Variants in ADAMTS18 observed in about 807,000 individuals in gnomAD.
ADAMTS18 encodes A disintegrin and metalloproteinase with thrombospondin motifs 18.
A neutral mutation model predicts 165.9 loss-of-function variants in ADAMTS18; 157 were observed. The ratio of observed to expected loss-of-function variants is 0.95; its 90% CI spans 0.83 to 1.08. ADAMTS18 has a LOEUF of 1.08. Among genes scored for constraint, ADAMTS18 ranks in the 50% least tolerant of loss-of-function variants. The pLI, the probability that ADAMTS18 is intolerant of heterozygous loss-of-function variation, is 0.00. For synonymous variants in ADAMTS18, 782 were observed against 578.2 expected (o/e 1.35, Z -5.06); for missense variants, 2,040 against 1,534.0 (o/e 1.33, Z -5.51).
intron 3 of ADAMTS18, among the ~76,000 whole-genome samples, chr16:77,372,099 C>T (rs57161547): frequency 0.038 from 5,783 of 152,194 alleles, 325 homozygotes; most frequent in African/African-American, 0.13. Flanking sequence ...ATTAGAATGA[C>T]TATTATCACA....
At chr16:77,409,922 C>T (rs1450788470) in intron 3 of ADAMTS18, among the ~76,000 whole-genome samples, 15 of 152,100 alleles carry the variant, frequency 9.9e-5, no homozygotes, top group Middle Eastern at 3.4e-3. Context: ...CTAATATTAC[C>T]GTACTAGAAT....
At chr16:77,414,631 A>G (rs2057506552) in intron 3 of ADAMTS18, among the ~76,000 whole-genome samples, 1 of 152,214 alleles carries the variant, frequency 6.6e-6, no homozygotes, top group African/African-American at 2.4e-5. Flanking sequence ...AGTTCCACAC[A>G]TCACAAAAAA....
chr16:77,418,507 G>A (rs1356495091), intron 3 of ADAMTS18, among the ~76,000 whole-genome samples: 1 of 152,118 alleles, frequency 6.6e-6, no homozygotes, highest in Non-Finnish European at 1.5e-5. Flanking sequence ...GCACAGACAT[G>A]CCCTGCACAA....
chr16:77,292,466 A>C (rs2055382317), intron 20 of ADAMTS18, among the ~76,000 whole-genome samples: 1 of 152,090 alleles, frequency 6.6e-6, no homozygotes, highest in Non-Finnish European at 1.5e-5. Context: ...CTTGCCCCAA[A>C]TCCCCTTTTG....
chr16:77,363,835 A>T lies in ADAMTS18; in HGVS notation c.1023T>A (p.Val341=), dbSNP rs201071218. ...GTTCCAGAAGAATTAGGCTCACCAC[A>T]ACCACGTTTATGTCACTTCCAATAG... The part of the protein sequence containing the change: ...DGTIGSDINV[V]VVSLILLEQE... The change falls in exon 6 of 23, where the codon GTT becomes GTA. Residue 341 remains valine, a synonymous_variant. Transcript: ENST00000282849. 5 of 1,614,028 alleles carry T rather than the reference A, an allele frequency of 3.1e-6. No homozygotes were observed. In the East Asian group the frequency reaches 1.1e-4, roughly 36 times the overall value.
chr16:77,347,080 G>C (rs756240068), intron 10 of ADAMTS18, among the ~76,000 whole-genome samples: 2 of 152,116 alleles, frequency 1.3e-5, no homozygotes, highest in Non-Finnish European at 2.9e-5. Flanking sequence ...CTTTTGTTCG[G>C]CATGTTTTTC....
At position 77,319,858 on chromosome 16, in the gene ADAMTS18, C is replaced by A. The variant is rs763605412; in HGVS notation, c.2523G>T (p.Leu841=). Residue 841 remains leucine, a synonymous_variant, in exon 16 of 23, where the codon CTG becomes CTT. Transcript: ENST00000282849. ...LYAPGPTNET[L]VFEILMQGKN... ...CACAGAAGGGGCTTACTTCAAAGAC[C>A]AGCGTCTCATTTGTGGGCCCTGGCG... 8.1e-6 allele frequency: 13 copies of A among 1,614,032 alleles called. No individual in the cohort carries two copies. Among genetic ancestry groups the A allele is most frequent in the Non-Finnish European group, 1.1e-5 (13 of 1,180,028 alleles).
At chr16:77,364,049 T>C (rs911510419) in intron 5 of ADAMTS18, 139 bp downstream of exon 5, 7 of 1,288,628 alleles carry the variant, frequency 5.4e-6, no homozygotes, top group Admixed American at 3.6e-5. Flanking sequence ...AAACCACATA[T>C]GTAGCTATTA....
At chr16:77,396,305 A>G (rs1487673152) in intron 3 of ADAMTS18, among the ~76,000 whole-genome samples, 1 of 152,240 alleles carries the variant, frequency 6.6e-6, no homozygotes, top group African/African-American at 2.4e-5. Context: ...GTTTGCCGTA[A>G]AGGGAAATTT....
rs747096252 is a variant in ADAMTS18 at position 77,367,498 on chromosome 16, T to C, written c.721A>G (p.Thr241Ala). The C allele has an allele frequency of 8.7e-6, 14 of 1,614,220 alleles. No individual in the cohort carries two copies. The Admixed American group carries it at 2.3e-4, about 27-fold the overall frequency. The change falls in exon 4 of 23, where the codon ACA becomes GCA. Residue 241 changes from threonine to alanine, a missense_variant. Coordinates refer to ENST00000282849, the MANE Select transcript of ADAMTS18 (RefSeq NM_199355.4). Reference sequence around the variant, plus strand: ...TGCAACCTTCGATGGTGATACTCTGTCTCTCGACTCTGAGATGCATGGGGA... The same window carrying C: ...TGCAACCTTCGATGGTGATACTCTGCCTCTCGACTCTGAGATGCATGGGGA... ...HIPHASQSRE[T>A]EYHHRRLQKQ...
chr16:77,312,526 C>A (rs892439103), intron 16 of ADAMTS18, among the ~76,000 whole-genome samples: 5 of 152,178 alleles, frequency 3.3e-5, no homozygotes, highest in African/African-American at 1.2e-4. Flanking sequence ...GCGTGAGCCA[C>A]CGCACTCGGC....
chr16:77,416,547 T>G (rs891116993), intron 3 of ADAMTS18, among the ~76,000 whole-genome samples: 1 of 152,210 alleles, frequency 6.6e-6, no homozygotes, highest in Non-Finnish European at 1.5e-5. Flanking sequence ...GCACAAGCTC[T>G]CTTGCCTGCC....
chr16:77,310,635 TTTC>T (rs2055763198), intron 16 of ADAMTS18, among the ~76,000 whole-genome samples: 1 of 134,948 alleles, frequency 7.4e-6, no homozygotes. Context: ...TTAACCTTTT[TTTC>T]TTTTTTTTTT....
chr16:77,417,267 T>G (rs2057542562), intron 3 of ADAMTS18, among the ~76,000 whole-genome samples: 1 of 151,510 alleles, frequency 6.6e-6, no homozygotes, highest in South Asian at 2.1e-4. Context: ...GATAGGTGGG[T>G]GGGTGGATAG....
At chr16:77,316,666 C>T (rs1042479685) in intron 16 of ADAMTS18, among the ~76,000 whole-genome samples, 4 of 152,024 alleles carry the variant, frequency 2.6e-5, no homozygotes, top group Admixed American at 6.6e-5. Context: ...TGATTCTCCA[C>T]ATCAGGTTTT....
chr16:77,415,860 T>C (rs945116889), intron 3 of ADAMTS18, among the ~76,000 whole-genome samples: 29 of 151,752 alleles, frequency 1.9e-4, no homozygotes, highest in Non-Finnish European at 1.5e-5. Context: ...AACATAGAAA[T>C]AATTTATCTA....
chr16:77,377,990 G>A (rs1023332227), intron 3 of ADAMTS18, among the ~76,000 whole-genome samples: 1 of 152,148 alleles, frequency 6.6e-6, no homozygotes, highest in African/African-American at 2.4e-5. Flanking sequence ...TGCTGAGAAA[G>A]TCTTTGAGGA....
At chr16:77,419,733 G>A (rs1450478998) in intron 3 of ADAMTS18, among the ~76,000 whole-genome samples, 3 of 152,180 alleles carry the variant, frequency 2.0e-5, no homozygotes, top group Non-Finnish European at 1.5e-5. Flanking sequence ...CTCGCCAGGT[G>A]CGGTGACTCA....
rs1383271882 is a variant in ADAMTS18, at chr16:77,321,113, A to G, written c.2253T>C (p.Tyr751=). The part of the protein sequence containing the change: ...CKGDNSTCKF[Y]KGLYLNQHKA... ...TATGCTGGTTGAGGTACAGGCCTTTATAAAACTTGCAAGTTGAATTATCAC... is the reference window on the plus strand; with the variant it reads ...TATGCTGGTTGAGGTACAGGCCTTTGTAAAACTTGCAAGTTGAATTATCAC... The change falls in exon 15 of 23, where the codon TAT becomes TAC. Residue 751 remains tyrosine, a synonymous_variant. Transcript: ENST00000282849. The G allele has an allele frequency of 1.2e-6, 2 of 1,614,212 alleles. No individual in the cohort carries two copies.
Sources: allele counts gnomAD v4.1 joint callset (sites outside exome capture counted in the v4.1 genomes callset), GRCh38; gene constraint gnomAD v4.1.1; transcripts MANE v1.5; gene names NCBI Gene and HGNC (gene_info 2026-07-23, HGNC 2026-07-21).